DLGAP3: variants seen among roughly 807,000 people sequenced by gnomAD.
DLGAP3 encodes disks large-associated protein 3.
In DLGAP3, 17 loss-of-function variants were observed where a neutral mutation model predicts 81.2. That is an observed-to-expected ratio of 0.21 (90% CI 0.14 to 0.31). The LOEUF is 0.31. Ranked by LOEUF, DLGAP3 falls within the 10% of genes least tolerant of loss-of-function variation. The pLI, the probability that DLGAP3 is intolerant of heterozygous loss-of-function variation, is 1.00. For missense variants in DLGAP3, 1,124 were observed against 1,388.0 expected, an observed-to-expected ratio of 0.81 and a Z score of 3.02; for synonymous variants, 577 against 587.4, an observed-to-expected ratio of 0.98 and a Z score of 0.26.
Position 34,895,338 on chromosome 1 carries a change from T to C in DLGAP3, c.1386+4331A>G, listed in dbSNP as rs1382570685. ...AGCCGAGATCATGCCACTGCACTCC[T>C]ACCTGGGCGACAGAGCGAGACTGTC... On this transcript the variant is annotated intron_variant, in intron 5 of 11. Coordinates refer to ENST00000373347, the MANE Select transcript of DLGAP3 (RefSeq NM_001080418.3). This position sits in a 1 kb window ranked among gnomAD's most constrained non-coding sequence, Gnocchi z 4.5. Among the ~76,000 whole-genome samples, 6 of 147,374 alleles carry C rather than the reference T, an allele frequency of 4.1e-5. No individual in the cohort carries two copies. Among genetic ancestry groups the C allele is most frequent in the African/African-American group, 1.5e-4 (6 of 39,850 alleles).
rs969841709 is a variant in DLGAP3 at position 34,902,660 on chromosome 1, C to T, written c.1107+1617G>A. On this transcript the variant is annotated intron_variant, in intron 3 of 11. Coordinates refer to ENST00000373347, the MANE Select transcript of DLGAP3 (RefSeq NM_001080418.3). This position sits in a 1 kb window ranked among gnomAD's most constrained non-coding sequence, Gnocchi z 4.4. ...AACTCCAGACCGGAGGGATCATTCC[C>T]CTTCCCCATTCTCTACAGAGAGCAG... 3.3e-5 allele frequency among the ~76,000 whole-genome samples: 5 copies of T among 152,114 alleles called. No individual in the cohort carries two copies. The highest frequency in any genetic ancestry group is 4.8e-5 in the African/African-American group (2 of 41,402).
In DLGAP3 at chr1:34,868,768, C is replaced by A; in HGVS notation, c.2322G>T (p.Trp774Cys). The A allele has an allele frequency of 6.2e-7, 1 of 1,600,678 alleles. No homozygotes were observed. Among genetic ancestry groups the A allele is most frequent in the East Asian group, 2.2e-5 (1 of 44,716 alleles). ...GGAGGCTACGTGAACCGCGCTCTAT[C>A]CAGGAGTCACGGCGGCCGGCCCCAG... is the stretch of plus-strand genomic sequence containing the variant. ...PGPGAGRRDS[W>C]IERGSRSLPD... The change falls in exon 9 of 12, where the codon TGG becomes TGT. Residue 774 changes from tryptophan (W) to cysteine (C), a missense_variant. Trp to Cys is a radical substitution (Grantham distance 215, BLOSUM62 -2). Coordinates refer to ENST00000373347, the MANE Select transcript of DLGAP3 (RefSeq NM_001080418.3). The surrounding 1 kb of genome is among the most constrained non-coding windows in gnomAD (Gnocchi z 7.5).
intron 1 of DLGAP3, among the ~76,000 whole-genome samples, chr1:34,920,674 C>T (rs1240808149): frequency 1.3e-5 from 2 of 152,212 alleles, no homozygotes; most frequent in African/African-American, 2.4e-5. Flanking sequence ...TGCCTTGCAT[C>T]TTGTTCACCT....
chr1:34,923,194 C>T (rs539692031), intron 1 of DLGAP3, among the ~76,000 whole-genome samples: 2 of 152,224 alleles, frequency 1.3e-5, no homozygotes, highest in African/African-American at 4.8e-5. Flanking sequence ...AGGTCTAACA[C>T]TCTCAAACTC....
chr1:34,886,418 A>C (rs1639231195), intron 5 of DLGAP3, 133 bp from the exon 6 acceptor site: 3 of 871,764 alleles, frequency 3.4e-6, no homozygotes, highest in Non-Finnish European at 5.1e-6. Flanking sequence ...ATTTGAACTA[A>C]AAGAAACTCT....
In DLGAP3 at chr1:34,873,345, G is replaced by A. The variant is rs1419803428; in HGVS notation, c.2001-4256C>T. On this transcript the variant is annotated intron_variant, in intron 8 of 11. Coordinates refer to ENST00000373347, the MANE Select transcript of DLGAP3 (RefSeq NM_001080418.3). This position sits in a 1 kb window ranked among gnomAD's most constrained non-coding sequence, Gnocchi z 4.2. ...GGAGATGTCTGGGGAGTAGGGGAAG[G>A]AATGAAAATGAGCAGCTTTGGGTGG... is the stretch of plus-strand genomic sequence containing the variant. 1.3e-5 allele frequency among the ~76,000 whole-genome samples: 2 copies of A among 152,196 alleles called. No homozygotes were observed. The highest frequency in any genetic ancestry group is 1.3e-4 in the Admixed American group (2 of 15,286).
chr1:34,893,178 CAAAAA>C (rs58802413), intron 5 of DLGAP3, among the ~76,000 whole-genome samples: 6 of 84,844 alleles, frequency 7.1e-5, no homozygotes, highest in African/African-American at 1.3e-4. Flanking sequence ...GACTCCGTCT[CAAAAA>C]AAAAAAAAAA....
At position 34,886,081 on chromosome 1, in the gene DLGAP3, G is replaced by T. The variant is rs1165880059; in HGVS notation, c.1591C>A (p.Pro531Thr). The T allele has an allele frequency of 7.5e-6, 12 of 1,602,694 alleles. No homozygotes were observed. The highest frequency in any genetic ancestry group is 1.0e-5 in the Non-Finnish European group (12 of 1,176,140). Residue 531 changes from proline (P) to threonine (T), a missense_variant, in exon 6 of 12, where the codon CCC (proline) becomes ACC (threonine). Pro to Thr is a conservative substitution (Grantham distance 38). Transcript: ENST00000373347. ...AGGAAGGTGTACTCACAGGAGCCGG[G>T]CCTCCCTGAGACAGCGGCAGGGGTA... ...LATPAAVSGR[P>T]GSSFNFRKAP...
At chr1:34,887,959 G>T (rs1639259519) in intron 5 of DLGAP3, among the ~76,000 whole-genome samples, 1 of 152,206 alleles carries the variant, frequency 6.6e-6, no homozygotes, top group Non-Finnish European at 1.5e-5. Flanking sequence ...GGTAAACACA[G>T]GCCAGATGCC....
rs1175724067 is a variant in DLGAP3, at chr1:34,902,246, G to C, written c.1108-1973C>G. Reference sequence around the variant, plus strand: ...GGATGGGAGCTCCAAAAGGGGTAACGCCTCAGGGACAGCATAGGGTTCAGG... The same window carrying C: ...GGATGGGAGCTCCAAAAGGGGTAACCCCTCAGGGACAGCATAGGGTTCAGG... On this transcript the variant is annotated intron_variant, in intron 3 of 11. Coordinates refer to ENST00000373347, the MANE Select transcript of DLGAP3 (RefSeq NM_001080418.3). The surrounding 1 kb of genome is among the most constrained non-coding windows in gnomAD (Gnocchi z 4.4). Among the ~76,000 whole-genome samples, 7 of 152,096 alleles carry C rather than the reference G, an allele frequency of 4.6e-5. No homozygotes were observed. The highest frequency in any genetic ancestry group is 1.7e-4 in the African/African-American group (7 of 41,422).
intron 1 of DLGAP3, among the ~76,000 whole-genome samples, chr1:34,918,494 C>T (rs770643237): frequency 1.3e-5 from 2 of 152,218 alleles, no homozygotes; most frequent in Non-Finnish European, 2.9e-5. Context: ...TCACCTGCTA[C>T]CCTTAGGAAG....
chr1:34,886,322 G>A, intron 5 of DLGAP3, 37 bp from the exon 6 acceptor site: 1 of 1,523,106 alleles, frequency 6.6e-7, no homozygotes, highest in Non-Finnish European at 8.9e-7. Flanking sequence ...GTTATAAGGT[G>A]CCGGGAGGGG....
Position 34,907,344 on chromosome 1 carries a change from C to T in DLGAP3, c.-52+11G>A, listed in dbSNP as rs924645385. ...TCTAATCCCCATCTCCCAGACTCTTCTATCACTCACCATCCAGGGTGTCCC... is the reference window on the plus strand; with the variant it reads ...TCTAATCCCCATCTCCCAGACTCTTTTATCACTCACCATCCAGGGTGTCCC... On this transcript the variant is annotated intron_variant, in intron 2 of 11. Coordinates refer to ENST00000373347, the MANE Select transcript of DLGAP3 (RefSeq NM_001080418.3). 2 of 152,700 alleles carry T rather than the reference C, an allele frequency of 1.3e-5. No homozygotes were observed. Among genetic ancestry groups the T allele is most frequent in the African/African-American group, 2.4e-5 (1 of 41,438 alleles). 9.5% of individuals were successfully genotyped at this position (152,700 alleles called of 1,614,324 possible).
rs1392996956 is a variant in DLGAP3 at position 34,873,820 on chromosome 1, G to T, written c.2001-4731C>A. On this transcript the variant is annotated intron_variant, in intron 8 of 11. Coordinates refer to ENST00000373347, the MANE Select transcript of DLGAP3 (RefSeq NM_001080418.3). The surrounding 1 kb of genome is among the most constrained non-coding windows in gnomAD (Gnocchi z 4.2). Reference sequence around the variant, plus strand: ...ATAGGGCAGTTCATCACACTGGTTGGTTGGTTGGTTGGTTGGTTGGTTGGT... The same window carrying T: ...ATAGGGCAGTTCATCACACTGGTTGTTTGGTTGGTTGGTTGGTTGGTTGGT... Among the ~76,000 whole-genome samples the T allele has an allele frequency of 1.3e-5, 2 of 151,152 alleles. No homozygotes were observed. The highest frequency in any genetic ancestry group is 6.6e-5 in the Admixed American group (1 of 15,162).
chr1:34,879,021 G>A (rs528683067), intron 8 of DLGAP3, among the ~76,000 whole-genome samples: 1 of 150,030 alleles, frequency 6.7e-6, no homozygotes, highest in Admixed American at 6.6e-5. Flanking sequence ...GCAGTGAGCC[G>A]AGATCGCGCC....
At chr1:34,884,904 C>T in intron 8 of DLGAP3, 74 bp downstream of exon 8, 2 of 1,129,810 alleles carry the variant, frequency 1.8e-6, no homozygotes, top group Non-Finnish European at 2.7e-6. Context: ...GGAGACTGGG[C>T]TAGTGGGGAC....
intron 3 of DLGAP3, among the ~76,000 whole-genome samples, chr1:34,901,272 G>A (rs1294854773): frequency 1.3e-5 from 2 of 152,130 alleles, no homozygotes; most frequent in African/African-American, 4.8e-5. Flanking sequence ...CATTTAAAAA[G>A]GGACTGTGAA....
Position 34,868,463 on chromosome 1 carries a change from C to G in DLGAP3, c.2485+142G>C. ...TCTTGCTGCCGATGTTGACCCGCCA[C>G]GCTCCAGTGCAGAAGACCAGTGAGG... On this transcript the variant is annotated intron_variant, in intron 9 of 11. Transcript: ENST00000373347. This position sits in a 1 kb window ranked among gnomAD's most constrained non-coding sequence, Gnocchi z 7.5. The G allele has an allele frequency of 1.4e-6, 1 of 730,708 alleles. No individual in the cohort carries two copies. The highest frequency in any genetic ancestry group is 2.7e-5 in the East Asian group (1 of 37,532). 45.3% of individuals were successfully genotyped at this position (730,708 alleles called of 1,614,324 possible).
In DLGAP3 at chr1:34,900,106, G is replaced by T; in HGVS notation, c.1275C>A (p.Thr425=). The change falls in exon 4 of 12, where the codon ACC becomes ACA. Residue 425 remains threonine, a synonymous_variant. Coordinates refer to ENST00000373347, the MANE Select transcript of DLGAP3 (RefSeq NM_001080418.3). The surrounding 1 kb of genome is among the most constrained non-coding windows in gnomAD (Gnocchi z 5.6). ...TSPKAVARRF[T]TRRSSSVDQA... Reference sequence around the variant, plus strand: ...GGTCCACGCTGGAGGAGCGACGGGTGGTGAAGCGTCGGGCGACTGCTTTGG... The same window carrying T: ...GGTCCACGCTGGAGGAGCGACGGGTTGTGAAGCGTCGGGCGACTGCTTTGG... 2 of 1,613,882 alleles carry T rather than the reference G, an allele frequency of 1.2e-6. No homozygotes were observed. The highest frequency in any genetic ancestry group is 1.7e-6 in the Non-Finnish European group (2 of 1,180,036).
Sources: gnomAD v4.1 joint callset for allele counts (sites outside exome capture counted in the v4.1 genomes callset) on GRCh38, gnomAD v4.1.1 for gene constraint, Gnocchi (gnomAD v3.1) non-coding constraint, MANE v1.5 for transcripts, NCBI Gene and HGNC (gene_info 2026-07-23, HGNC 2026-07-21) for gene names.